The following UGT1A6 variants were observed in gnomAD, a reference collection of about 807,000 sequenced individuals.
UGT1A6 encodes UDP glucuronosyltransferase family 1 member A6.
Under a neutral mutation model 44.4 loss-of-function variants are expected in UGT1A6, and 32 were observed. The ratio of observed to expected loss-of-function variants is 0.72; its 90% CI spans 0.54 to 0.97. The LOEUF (loss-of-function observed/expected upper bound fraction) is 0.97. UGT1A6 is among the 50% of genes least tolerant of loss of function. UGT1A6 has a pLI of 0.00. For missense variants in UGT1A6, 685 were observed against 661.9 expected (o/e 1.03, Z -0.38); for synonymous variants, 238 against 248.5 (o/e 0.96, Z 0.40).
At chr2:233,717,422 G>T (rs1452030789) in intron 1 of UGT1A6, among the ~76,000 whole-genome samples, 2 of 152,202 alleles carry the variant, frequency 1.3e-5, no homozygotes, top group Non-Finnish European at 2.9e-5. Context: ...CTTGAGCTGG[G>T]TGTCCCTCTG....
At chr2:233,728,864 C>G (rs2077757785) in intron 1 of UGT1A6, among the ~76,000 whole-genome samples, 1 of 152,164 alleles carries the variant, frequency 6.6e-6, no homozygotes, top group African/African-American at 2.4e-5. Flanking sequence ...GAAACAAGAG[C>G]TTGAACTTGG....
At chr2:233,714,671 C>T (rs1376382051) in intron 1 of UGT1A6, among the ~76,000 whole-genome samples, 2 of 152,144 alleles carry the variant, frequency 1.3e-5, no homozygotes, top group Non-Finnish European at 2.9e-5. Context: ...AGATGTATCC[C>T]AAATATTATC....
intron 1 of UGT1A6, among the ~76,000 whole-genome samples, chr2:233,744,647 A>G (rs1048416794): frequency 6.6e-6 from 1 of 151,912 alleles, no homozygotes; most frequent in Non-Finnish European, 1.5e-5. Context: ...CAGCTTCTGT[A>G]TTCAATCTAC....
intron 1 of UGT1A6, among the ~76,000 whole-genome samples, chr2:233,730,937 T>C (rs2125759444): frequency 6.6e-6 from 1 of 152,268 alleles, no homozygotes; most frequent in Admixed American, 6.5e-5. Flanking sequence ...TAATCCAGAA[T>C]ATTTGGGTTT....
chr2:233,754,060 T>C (rs141181524), intron 1 of UGT1A6, among the ~76,000 whole-genome samples: 20 of 152,258 alleles, frequency 1.3e-4, no homozygotes, highest in African/African-American at 3.6e-4. Context: ...CCTGCTTTTA[T>C]AAAGCCTGGG....
intron 1 of UGT1A6, among the ~76,000 whole-genome samples, chr2:233,759,775 C>T (rs756322145): frequency 1.3e-5 from 2 of 152,048 alleles, no homozygotes; most frequent in African/African-American, 4.8e-5. Context: ...TATTGTTGGA[C>T]GAAGGAATGA....
At chr2:233,755,462 T>C (rs1695929337) in intron 1 of UGT1A6, 1 of 276,566 alleles carries the variant, frequency 3.6e-6, no homozygotes, top group Non-Finnish European at 7.1e-6. Flanking sequence ...CTGGCCCTGC[T>C]CTCTGTGAGG....
intron 1 of UGT1A6, among the ~76,000 whole-genome samples, chr2:233,761,510 A>C (rs1161669580): frequency 6.6e-6 from 1 of 152,248 alleles, no homozygotes. Flanking sequence ...TCAGTCAGGC[A>C]GGCAATGTTC....
intron 3 of UGT1A6, 49 bp from the exon 4 acceptor site, chr2:233,768,166 AGCTGT>A: frequency 6.2e-7 from 1 of 1,613,684 alleles, no homozygotes; most frequent in South Asian, 1.1e-5. Flanking sequence ...AGATGTGTCC[AGCTGT>A]GAAACTCAGA....
chr2:233,725,249 G>GGAGGCAGAGGCAGAGGAGGCAGAGGCA (rs1559370464), intron 1 of UGT1A6, among the ~76,000 whole-genome samples: 1 of 48,520 alleles, frequency 2.1e-5, no homozygotes, highest in Non-Finnish European at 3.8e-5. Context: ...CAGAGGCAGA[G>GGAGGCAGAGGCAGAGGAGGCAGAGGCA]GAGGCAGAGG....
At chr2:233,724,636 G>A (rs1302361231) in intron 1 of UGT1A6, among the ~76,000 whole-genome samples, 4 of 141,026 alleles carry the variant, frequency 2.8e-5, no homozygotes, top group Admixed American at 7.0e-5. Flanking sequence ...CTTCCTAGAT[G>A]TGATGGCGGC....
At chr2:233,709,589 A>G (rs2076083811) in intron 1 of UGT1A6, among the ~76,000 whole-genome samples, 1 of 152,200 alleles carries the variant, frequency 6.6e-6, no homozygotes, top group Non-Finnish European at 1.5e-5. Flanking sequence ...ATATACCAGG[A>G]TGTGAAAGAA....
Position 233,772,789 on chromosome 2 carries a change from G to A in UGT1A6, c.*230G>A. ...CCCCTCTGGTGTCTTTGATCAGGAT[G>A]ACATGTGCCATTTTTCAGAGGACGT... On this transcript the variant is annotated 3_prime_UTR_variant, in exon 5 of 5. Coordinates refer to ENST00000305139, the MANE Select transcript of UGT1A6 (RefSeq NM_001072.4). 8.1e-7 allele frequency: 1 copy of A among 1,234,684 alleles called. No homozygotes were observed. Among genetic ancestry groups the A allele is most frequent in the Non-Finnish European group, 1.1e-6 (1 of 930,096 alleles). The allele number at this position is 1,234,684 out of a possible 1,614,324, so 76.5% of individuals were successfully genotyped here. A position where few individuals can be genotyped will look rare whatever the true frequency, so the allele number is the denominator to read the frequency against.
At chr2:233,702,904 T>C (rs1326367671) in intron 1 of UGT1A6, among the ~76,000 whole-genome samples, 1 of 152,212 alleles carries the variant, frequency 6.6e-6, no homozygotes, top group Admixed American at 6.5e-5. Context: ...TAAGAGATAT[T>C]GGAAGTCTTA....
chr2:233,699,823 C>G (rs1272695507), intron 1 of UGT1A6, among the ~76,000 whole-genome samples: 1 of 152,170 alleles, frequency 6.6e-6, no homozygotes, highest in Non-Finnish European at 1.5e-5. Context: ...TAGTAGTTCT[C>G]AAATAGAACT....
At position 233,750,184 on chromosome 2, in the gene UGT1A6, G is replaced by A. The variant is rs569592101; in HGVS notation, c.862-16850G>A. Among the ~76,000 whole-genome samples, 93 of 151,970 alleles carry A rather than the reference G, an allele frequency of 6.1e-4. 1 individual carries two copies. The South Asian group carries it at 0.019, about 32-fold the overall frequency. ...TTTTGACCAAAATGCTGATAATGTT[G>A]TGGACAATGAAGTCCAGGCTGAGTC... is the stretch of plus-strand genomic sequence containing the variant. On this transcript the variant is annotated intron_variant, in intron 1 of 4. Transcript: ENST00000305139.
chr2:233,718,656 C>T, intron 1 of UGT1A6: 1 of 1,519,542 alleles, frequency 6.6e-7, no homozygotes, highest in Non-Finnish European at 8.8e-7. Flanking sequence ...TAACGAAAGG[C>T]AGTTATAGAT....
chr2:233,695,125 C>CTTTT (rs2075261656), intron 1 of UGT1A6, among the ~76,000 whole-genome samples: 4 of 113,980 alleles, frequency 3.5e-5, no homozygotes, highest in Non-Finnish European at 5.3e-5. Context: ...CAACCCTTTT[C>CTTTT]TTTTCTTTTT....
At chr2:233,717,980 G>A (rs1360094049) in intron 1 of UGT1A6, 3 of 443,956 alleles carry the variant, frequency 6.8e-6, no homozygotes, top group African/African-American at 6.1e-5. Context: ...TTCAGAAGAG[G>A]AATTCAGACT....
Sources: allele counts gnomAD v4.1 joint callset (sites outside exome capture counted in the v4.1 genomes callset), GRCh38; gene constraint gnomAD v4.1.1; transcripts MANE v1.5; gene names NCBI Gene and HGNC (gene_info 2026-07-23, HGNC 2026-07-21).